Variants in HERC1 observed in about 807,000 individuals in gnomAD.
HERC1 encodes probable E3 ubiquitin-protein ligase HERC1.
In HERC1, 160 loss-of-function variants were observed where a neutral mutation model predicts 554.3. That is an observed-to-expected ratio of 0.29 (90% CI 0.25 to 0.33). HERC1 has a LOEUF of 0.33. HERC1 is among the 10% of genes least tolerant of loss of function. The probability of loss-of-function intolerance (pLI) is 1.00; values close to 1 mark genes in which losing one functional copy is unlikely to be tolerated. For missense variants in HERC1, 4,919 were observed against 5,918.5 expected (o/e 0.83, Z 5.54); for synonymous variants, 2,175 against 2,131.7 (o/e 1.02, Z -0.56).
At chr15:63,675,284 A>G (rs1028692952) in intron 37 of HERC1, 167 bp from the exon 38 acceptor site, 1 of 530,038 alleles carries the variant, frequency 1.9e-6, no homozygotes, top group African/African-American at 1.9e-5. Context: ...CGAGTCTATT[A>G]TGAGAAAATG....
At chr15:63,654,549 T>G (rs557735263) in intron 50 of HERC1, among the ~76,000 whole-genome samples, 1 of 152,250 alleles carries the variant, frequency 6.6e-6, no homozygotes, top group African/African-American at 2.4e-5. Flanking sequence ...AGAAATCTGA[T>G]TCATTAAAAA....
At chr15:63,717,432 G>A (rs1414694156) in intron 21 of HERC1, among the ~76,000 whole-genome samples, 3 of 152,180 alleles carry the variant, frequency 2.0e-5, no homozygotes, top group Non-Finnish European at 2.9e-5. Context: ...TTCAAAGTCA[G>A]CACTACAAAG....
In HERC1 at chr15:63,704,785, C is replaced by A. The variant is rs564477854; in HGVS notation, c.4636+1995G>T. 1.7e-4 allele frequency among the ~76,000 whole-genome samples: 23 copies of A among 133,948 alleles called. No individual in the cohort carries two copies. The South Asian group carries it at 4.9e-3, about 29-fold the overall frequency. 87.9% of individuals were successfully genotyped at this position (133,948 alleles called of 152,430 possible). On this transcript the variant is annotated intron_variant, in intron 25 of 77. Transcript: ENST00000443617. ...ATGGAGTCTCGCTCTGTCGCCCAGG[C>A]TGGAGTGCAGTGGTGCGATCTCGGC...
intron 1 of HERC1, among the ~76,000 whole-genome samples, chr15:63,797,033 A>G (rs1010223629): frequency 6.6e-6 from 1 of 152,140 alleles, no homozygotes; most frequent in African/African-American, 2.4e-5. Flanking sequence ...GCTTGCTGAG[A>G]GGAGGGGGCC....
Position 63,728,662 on chromosome 15 carries a change from T to G in HERC1, c.3154+574A>C, listed in dbSNP as rs866567936. ...AGGTGTTCTCAGCTAGATGGAAATA[T>G]AGGAGTCATTAATATGTAAATGGTT... On this transcript the variant is annotated intron_variant, in intron 16 of 77. Coordinates refer to ENST00000443617, the MANE Select transcript of HERC1 (RefSeq NM_003922.4). Among the ~76,000 whole-genome samples, 6 of 152,210 alleles carry G rather than the reference T, an allele frequency of 3.9e-5. No individual in the cohort carries two copies. The South Asian group carries it at 6.2e-4, about 16-fold the overall frequency.
chr15:63,673,828 T>A (rs1566996964), intron 38 of HERC1, among the ~76,000 whole-genome samples: 2 of 152,186 alleles, frequency 1.3e-5, no homozygotes, highest in African/African-American at 4.8e-5. Context: ...AGGTTCAAGA[T>A]ATTCTACTGC....
rs2075499193 is a variant in HERC1, at chr15:63,758,329, C to T, written c.1067G>A (p.Ser356Asn). Residue 356 changes from serine (S) to asparagine (N), a missense_variant, in exon 4 of 78, where the codon AGC (serine) becomes AAC (asparagine). Ser to Asn is a conservative substitution (Grantham distance 46). This residue lies in a region of HERC1 where 744 missense variants were observed against 1,090.0 expected (regional missense o/e 0.68). Coordinates refer to ENST00000443617, the MANE Select transcript of HERC1 (RefSeq NM_003922.4). This position sits in a 1 kb window ranked among gnomAD's most constrained non-coding sequence, Gnocchi z 4.0. ...MASDYSRTCA[S>N]PDSIQTGDAP... ...ATCACCAGTCTGAATGCTATCTGGG[C>T]TAGCACATGTTCTCGAATAATCAGA... The T allele has an allele frequency of 6.2e-7, 1 of 1,603,116 alleles. No individual in the cohort carries two copies. The highest frequency in any genetic ancestry group is 1.3e-5 in the African/African-American group (1 of 74,744).
At chr15:63,824,923 C>T (rs2077836410) in intron 1 of HERC1, among the ~76,000 whole-genome samples, 2 of 150,736 alleles carry the variant, frequency 1.3e-5, no homozygotes, top group Admixed American at 6.6e-5. Context: ...GAAACAGAGA[C>T]TAGAACAGTG....
At chr15:63,753,731 C>T (rs1221264848) in intron 7 of HERC1, among the ~76,000 whole-genome samples, 1 of 152,054 alleles carries the variant, frequency 6.6e-6, no homozygotes, top group African/African-American at 2.4e-5. Flanking sequence ...TAGATTTAGT[C>T]ATTCATTGTG....
chr15:63,621,584 A>G (rs1163620785), intron 74 of HERC1, among the ~76,000 whole-genome samples: 1 of 151,438 alleles, frequency 6.6e-6, no homozygotes, highest in Non-Finnish European at 1.5e-5. Flanking sequence ...TATCCTGCAG[A>G]GTGTTTTCCA....
intron 38 of HERC1, among the ~76,000 whole-genome samples, chr15:63,673,605 A>G (rs1324415196): frequency 7.4e-6 from 1 of 135,772 alleles, no homozygotes; most frequent in African/African-American, 2.9e-5. Flanking sequence ...ATTCTCCCCA[A>G]ATGTGAGGAT....
At chr15:63,701,200 A>G (rs2072706152) in intron 25 of HERC1, among the ~76,000 whole-genome samples, 1 of 152,224 alleles carries the variant, frequency 6.6e-6, no homozygotes, top group Non-Finnish European at 1.5e-5. Flanking sequence ...ATGAGGAAAC[A>G]GAGGCACAAA....
chr15:63,681,282 G>C lies in HERC1; in HGVS notation c.6226-506C>G, dbSNP rs145225836. On this transcript the variant is annotated intron_variant, in intron 34 of 77. Transcript: ENST00000443617. ...AGTAGCATGATCATGGCTCACTGAA[G>C]CGTCAAATTCCTGGGCTCAAGCAAT... Among the ~76,000 whole-genome samples the C allele has an allele frequency of 2.4e-3, 363 of 152,122 alleles. 3 individuals are homozygous for C. Among genetic ancestry groups the C allele is most frequent in the African/African-American group, 8.3e-3 (345 of 41,490 alleles).
At chr15:63,830,113 G>C (rs1345731195) in intron 1 of HERC1, among the ~76,000 whole-genome samples, 2 of 152,162 alleles carry the variant, frequency 1.3e-5, no homozygotes, top group Admixed American at 1.3e-4. Context: ...ATCAATGGGA[G>C]AAAGTTTGAG....
intron 1 of HERC1, among the ~76,000 whole-genome samples, chr15:63,803,516 G>A (rs1034639602): frequency 6.6e-6 from 1 of 152,008 alleles, no homozygotes; most frequent in Non-Finnish European, 1.5e-5. Context: ...TTGAACTGCT[G>A]GGCTCAAGCT....
chr15:63,636,659 C>T (rs188502928), intron 64 of HERC1, among the ~76,000 whole-genome samples: 7 of 152,222 alleles, frequency 4.6e-5, no homozygotes, highest in African/African-American at 9.6e-5. Flanking sequence ...ACAAGGAAAA[C>T]GAGGATGACA....
intron 55 of HERC1, among the ~76,000 whole-genome samples, chr15:63,646,498 T>TA (rs71287041): frequency 0.055 from 7,326 of 134,352 alleles, 251 homozygotes; most frequent in Middle Eastern, 0.12. Flanking sequence ...TAGTAGAGGC[T>TA]AAAAAAAAAA....
In HERC1 at chr15:63,669,523, T is replaced by C. The variant is rs1009083018; in HGVS notation, c.8206+15A>G. On this transcript the variant is annotated intron_variant, in intron 40 of 77. Coordinates refer to ENST00000443617, the MANE Select transcript of HERC1 (RefSeq NM_003922.4). The stretch of plus-strand genomic sequence containing the variant: ...TGCCAACTTTGGATATCATAGTGCA[T>C]ATCAGCACACGCACCTGTGCGGTTA... 3 of 1,612,844 alleles carry C rather than the reference T, an allele frequency of 1.9e-6. No individual in the cohort carries two copies. The highest frequency in any genetic ancestry group is 2.7e-5 in the African/African-American group (2 of 74,910).
intron 65 of HERC1, 58 bp downstream of exon 65, chr15:63,635,903 C>G: frequency 1.3e-6 from 2 of 1,524,592 alleles, no homozygotes; most frequent in Non-Finnish European, 1.8e-6. Context: ...TTTAAGAAAC[C>G]TATTCAACAA....
Sources: gnomAD v4.1 joint callset for allele counts (sites outside exome capture counted in the v4.1 genomes callset) on GRCh38, gnomAD v4.1.1 for gene constraint, gnomAD v4.1.1 regional missense constraint, Gnocchi (gnomAD v3.1) non-coding constraint, MANE v1.5 for transcripts, NCBI Gene and HGNC (gene_info 2026-07-23, HGNC 2026-07-21) for gene names.